Variants in OTOF observed in about 807,000 individuals in gnomAD.
OTOF encodes the protein fer-1-like family member 2.
A neutral mutation model predicts 236.8 loss-of-function variants in OTOF; 218 were observed. That is an observed-to-expected ratio of 0.92 (90% CI 0.82 to 1.03). OTOF has a LOEUF of 1.03. Among genes scored for constraint, OTOF ranks in the 50% least tolerant of loss-of-function variants. OTOF has a pLI of 0.00. For missense variants in OTOF, 2,590 were observed against 2,694.4 expected, an observed-to-expected ratio of 0.96 and a Z score of 0.86; for synonymous variants, 1,041 against 1,072.5, an observed-to-expected ratio of 0.97 and a Z score of 0.57.
intron 9 of OTOF, among the ~76,000 whole-genome samples, chr2:26,491,379 AAGG>A (rs1665837409): frequency 6.6e-6 from 1 of 152,050 alleles, no homozygotes; most frequent in African/African-American, 2.4e-5. Context: ...TGGAGGGAAA[AAGG>A]AGGTCACTGG....
At chr2:26,502,208 G>T in intron 7 of OTOF, 92 bp downstream of exon 7, 1 of 1,424,174 alleles carries the variant, frequency 7.0e-7, no homozygotes, top group Non-Finnish European at 9.8e-7. Context: ...CATGAGCCCT[G>T]ATTCTTCCCT....
rs62640381 is a variant in OTOF, at chr2:26,460,081, C to T, written c.5938G>A (p.Ala1980Thr). 37 of 1,575,952 alleles carry T rather than the reference C, an allele frequency of 2.3e-5. No homozygotes were observed. The highest frequency in any genetic ancestry group is 2.8e-5 in the Non-Finnish European group (33 of 1,160,626). The change falls in exon 46 of 47, where the codon GCC becomes ACC. Residue 1980 changes from alanine (A) to threonine (T), a missense_variant. Ala to Thr is a moderately conservative substitution (Grantham distance 58). Transcript: ENST00000272371. This position sits in a 1 kb window ranked among gnomAD's most constrained non-coding sequence, Gnocchi z 5.3. ...CCAGGCACAGAGTAGAGGAACAGGGCGAGGAGGAGGAGCAGCAGCAGGAGC... is the reference window on the plus strand; with the variant it reads ...CCAGGCACAGAGTAGAGGAACAGGGTGAGGAGGAGGAGCAGCAGCAGGAGC... ...LLLLLLLLLL[A>T]LFLYSVPGYL...
chr2:26,466,764 T>C lies in OTOF; in HGVS notation c.4450A>G (p.Ile1484Val). 6.2e-7 allele frequency: 1 copy of C among 1,614,222 alleles called. No homozygotes were observed. The highest frequency in any genetic ancestry group is 8.5e-7 in the Non-Finnish European group (1 of 1,180,040). Reference sequence around the variant, plus strand: ...ACATTGATGGGGTCATTGCTCGGGATGCCCTGGAACATGCCGTAGGTGGAG... The same window carrying C: ...ACATTGATGGGGTCATTGCTCGGGACGCCCTGGAACATGCCGTAGGTGGAG... ...YDSTYGMFQG[I>V]PSNDPINVLV... is the part of the protein sequence containing the mutation. Residue 1484 changes from isoleucine to valine, a missense_variant, in exon 36 of 47, where the codon ATC (isoleucine) becomes GTC (valine). Physicochemically the swap from Ile to Val is conservative, Grantham distance 29. Transcript: ENST00000272371.
Position 26,537,684 on chromosome 2 carries a change from G to C in OTOF, c.138+32C>G, listed in dbSNP as rs374580561. ...GTGGCTGTTCCCCTCTGGGCTCAGG[G>C]CTGAGGGAGGGGGGAGTCTTGGGCC... On this transcript the variant is annotated intron_variant, in intron 2 of 46. Coordinates refer to ENST00000272371, the MANE Select transcript of OTOF (RefSeq NM_194248.3). 17 of 1,524,862 alleles carry C rather than the reference G, an allele frequency of 1.1e-5. No homozygotes were observed. The African/African-American group carries it at 2.2e-4, about 20-fold the overall frequency. 94.5% of individuals were successfully genotyped at this position (1,524,862 alleles called of 1,614,324 possible).
At chr2:26,482,665 G>GGGCGCGTGTGTGTGTGTGAGTT (rs1485151499) in intron 13 of OTOF, 73 bp from the exon 14 acceptor site, 8 of 1,318,942 alleles carry the variant, frequency 6.1e-6, no homozygotes, top group Non-Finnish European at 8.6e-6. Flanking sequence ...GTGTGTGAGT[G>GGGCGCGTGTGTGTGTGTGAGTT]GGCGCATGTG....
intron 2 of OTOF, among the ~76,000 whole-genome samples, chr2:26,529,909 A>G (rs1666902308): frequency 6.6e-6 from 1 of 152,188 alleles, no homozygotes; most frequent in Non-Finnish European, 1.5e-5. Flanking sequence ...AGCCCGGCCC[A>G]CAGGCCTCAT....
At chr2:26,465,584 C>T (rs1015185062) in intron 38 of OTOF, 88 bp downstream of exon 38, 22 of 1,417,922 alleles carry the variant, frequency 1.6e-5, no homozygotes, top group Non-Finnish European at 2.1e-5. Context: ...AATGTCTAAC[C>T]TCTCAAATCA....
chr2:26,510,072 C>T (rs1298316193), intron 5 of OTOF, among the ~76,000 whole-genome samples: 1 of 152,166 alleles, frequency 6.6e-6, no homozygotes, highest in Non-Finnish European at 1.5e-5. Flanking sequence ...CGAATCTTTC[C>T]AGACCCTTGT....
intron 29 of OTOF, 32 bp from the exon 30 acceptor site, chr2:26,472,681 G>C: frequency 6.2e-7 from 1 of 1,610,240 alleles, no homozygotes. Context: ...CAGACAGGCA[G>C]AGGAAGGAGC....
intron 2 of OTOF, among the ~76,000 whole-genome samples, chr2:26,535,222 A>G (rs1667041764): frequency 6.6e-6 from 1 of 152,164 alleles, no homozygotes; most frequent in South Asian, 2.1e-4. Context: ...CTATCACTGT[A>G]TCCAGAGAGG....
Position 26,484,475 on chromosome 2 carries a change from C to T in OTOF, c.1204G>A (p.Gly402Arg). 3.1e-6 allele frequency: 5 copies of T among 1,613,946 alleles called. No homozygotes were observed. Among genetic ancestry groups the T allele is most frequent in the Non-Finnish European group, 4.2e-6 (5 of 1,180,000 alleles). Residue 402 changes from glycine to arginine, a missense_variant and splice_region_variant, in exon 12 of 47, where the codon GGG becomes AGG. Gly to Arg is a moderately radical substitution (Grantham distance 125, BLOSUM62 -2). This residue lies in a region of OTOF where 1,379 missense variants were observed against 1,341.6 expected (regional missense o/e 1.03). Transcript: ENST00000272371. ...ANETDEDDIEGNLLLPEGVPP... is the reference protein window; with the variant it reads ...ANETDEDDIERNLLLPEGVPP... ...GGGGCTGGGGTAGCTGGGCCTCACC[C>T]CTCAATGTCATCTTCGTCGGTCTCA... is the stretch of plus-strand genomic sequence containing the variant.
intron 5 of OTOF, among the ~76,000 whole-genome samples, chr2:26,514,242 A>G (rs956969221): frequency 4.5e-4 from 68 of 152,270 alleles, no homozygotes; most frequent in African/African-American, 1.6e-3. Context: ...TGCCCCTGCA[A>G]TGCAGGGTGG....
intron 8 of OTOF, among the ~76,000 whole-genome samples, chr2:26,500,802 A>T (rs1572455016): frequency 6.6e-6 from 1 of 152,184 alleles, no homozygotes; most frequent in African/African-American, 2.4e-5. Flanking sequence ...GAGTGAGGGG[A>T]GGTGGGGTTG....
chr2:26,475,570 C>T, intron 24 of OTOF, 77 bp from the exon 25 acceptor site: 1 of 1,509,690 alleles, frequency 6.6e-7, no homozygotes, highest in Non-Finnish European at 9.2e-7. Context: ...CACCCCTACT[C>T]ACTCAGCTTC....
At chr2:26,550,064 T>C (rs546700394) in intron 1 of OTOF, among the ~76,000 whole-genome samples, 4 of 151,662 alleles carry the variant, frequency 2.6e-5, no homozygotes, top group African/African-American at 9.7e-5. Flanking sequence ...GTAAAAATAT[T>C]GTGGAAACTG....
At chr2:26,515,970 G>C (rs540472152) in intron 5 of OTOF, among the ~76,000 whole-genome samples, 2 of 152,178 alleles carry the variant, frequency 1.3e-5, no homozygotes, top group Non-Finnish European at 2.9e-5. Context: ...CAGGATCTTT[G>C]GCTTCACTCT....
chr2:26,510,779 G>C, intron 5 of OTOF: 1 of 1,277,942 alleles, frequency 7.8e-7, no homozygotes, highest in African/African-American at 1.5e-5. Context: ...GAGGAGACAA[G>C]GGGACACGTG....
chr2:26,480,794 T>G lies in OTOF; in HGVS notation c.1795A>C (p.Ile599Leu). 1 of 1,611,518 alleles carries G rather than the reference T, an allele frequency of 6.2e-7. No individual in the cohort carries two copies. Among genetic ancestry groups the G allele is most frequent in the Non-Finnish European group, 8.5e-7 (1 of 1,179,632 alleles). The change falls in exon 15 of 47, where the codon ATC (isoleucine) becomes CTC (leucine). Residue 599 changes from isoleucine (I) to leucine (L), a missense_variant. Coordinates refer to ENST00000272371, the MANE Select transcript of OTOF (RefSeq NM_194248.3). Reference sequence around the variant, plus strand: ...AGTGCCTGGGGTCTCACCTCCGAGATGGGCGTGGCCTGCTCCACCTGCACC... The same window carrying G: ...AGTGCCTGGGGTCTCACCTCCGAGAGGGGCGTGGCCTGCTCCACCTGCACC... ...TEVQVEQATP[I>L]SESCAGKMEE...
chr2:26,503,769 T>C lies in OTOF; in HGVS notation c.583+3A>G, dbSNP rs779232394. The stretch of plus-strand genomic sequence containing the variant: ...TGCGGGGCTCACGCGGCACCTGTCC[T>C]ACCTGGTCTTTGGGGCTCCTCCTTG... On this transcript the variant is annotated splice_donor_region_variant and intron_variant, in intron 6 of 46. Coordinates refer to ENST00000272371, the MANE Select transcript of OTOF (RefSeq NM_194248.3). 2.2e-5 allele frequency: 35 copies of C among 1,613,154 alleles called. No individual in the cohort carries two copies. The Admixed American group carries it at 5.5e-4, about 25-fold the overall frequency.
Sources: allele counts gnomAD v4.1 joint callset (sites outside exome capture counted in the v4.1 genomes callset), GRCh38; gene constraint gnomAD v4.1.1; regional missense constraint gnomAD v4.1.1; non-coding constraint Gnocchi (gnomAD v3.1); transcripts MANE v1.5; gene names NCBI Gene and HGNC (gene_info 2026-07-23, HGNC 2026-07-21).